The following TOM1L2 variants were observed in gnomAD, a reference collection of about 807,000 sequenced individuals.
The protein encoded by TOM1L2 is TOM1-like protein 2.
In TOM1L2, 31 loss-of-function variants were observed where a neutral mutation model predicts 67.9. The observed-to-expected ratio is 0.46, with a 90% confidence interval of 0.34 to 0.62. The LOEUF is 0.62. Among genes scored for constraint, TOM1L2 ranks in the 20% least tolerant of loss-of-function variants. The probability of loss-of-function intolerance (pLI) is 0.01; values close to 1 mark genes in which losing one functional copy is unlikely to be tolerated. For missense variants in TOM1L2, 606 were observed against 663.5 expected, an observed-to-expected ratio of 0.91 and a Z score of 0.95; for synonymous variants, 256 against 254.0, an observed-to-expected ratio of 1.01 and a Z score of -0.07.
chr17:17,897,965 G>A (rs975275712), intron 3 of TOM1L2, among the ~76,000 whole-genome samples: 6 of 130,544 alleles, frequency 4.6e-5, no homozygotes, highest in Non-Finnish European at 9.4e-5. Context: ...TCACTCTGTT[G>A]CCCAAGCTGG....
At chr17:17,948,524 C>A (rs192712592) in intron 1 of TOM1L2, among the ~76,000 whole-genome samples, 91 of 152,228 alleles carry the variant, frequency 6.0e-4, no homozygotes, top group African/African-American at 2.1e-3. Flanking sequence ...TGGTGGTGCA[C>A]GTCTGTAATC....
intron 12 of TOM1L2, among the ~76,000 whole-genome samples, chr17:17,856,074 C>A (rs923165501): frequency 6.6e-6 from 1 of 152,312 alleles, no homozygotes; most frequent in East Asian, 1.9e-4. Flanking sequence ...CTGGCAGTGG[C>A]GAGGCAGTCT....
intron 1 of TOM1L2, among the ~76,000 whole-genome samples, chr17:17,909,942 T>C (rs576771158): frequency 3.3e-5 from 5 of 152,266 alleles, no homozygotes; most frequent in South Asian, 2.1e-4. Context: ...GGCAGGAAGA[T>C]TGCTTAAGTC....
At chr17:17,972,018 G>A (rs1369691153) in intron 1 of TOM1L2, among the ~76,000 whole-genome samples, 2 of 150,564 alleles carry the variant, frequency 1.3e-5, no homozygotes, top group Admixed American at 1.3e-4. Flanking sequence ...CCGCCCGTGA[G>A]GTGGCACCGA....
At chr17:17,914,369 G>A (rs1431658467) in intron 1 of TOM1L2, among the ~76,000 whole-genome samples, 1 of 152,146 alleles carries the variant, frequency 6.6e-6, no homozygotes, top group Non-Finnish European at 1.5e-5. Context: ...CTAAACAGAT[G>A]TGCCTACCAC....
At chr17:17,875,255 C>CAAACAGAA (rs2037364540) in intron 7 of TOM1L2, among the ~76,000 whole-genome samples, 1 of 116,806 alleles carries the variant, frequency 8.6e-6, no homozygotes, top group Non-Finnish European at 1.9e-5. Context: ...GACTCCTTCT[C>CAAACAGAA]AAAAAGAAAA....
intron 7 of TOM1L2, 127 bp downstream of exon 7, chr17:17,879,500 T>C (rs2037601466): frequency 4.1e-6 from 3 of 728,316 alleles, no homozygotes; most frequent in Admixed American, 2.0e-5. Context: ...TGTGCTCACA[T>C]GGACTATCAA....
rs537394280 is a variant in TOM1L2, at chr17:17,887,250, C to T, written c.367-2482G>A. ...CACAATTCCAACCCTTATCTGGGAC[C>T]TCTGTGCAGACTGGATGAGATGGCT... is the stretch of plus-strand genomic sequence containing the variant. On this transcript the variant is annotated intron_variant, in intron 4 of 14. Transcript: ENST00000379504. Among the ~76,000 whole-genome samples, 30 of 152,350 alleles carry T rather than the reference C, an allele frequency of 2.0e-4. 1 individual carries two copies. The highest frequency in any genetic ancestry group is 1.5e-5 in the Non-Finnish European group (1 of 68,034).
At chr17:17,968,523 G>A (rs770102493) in intron 1 of TOM1L2, among the ~76,000 whole-genome samples, 38 of 152,222 alleles carry the variant, frequency 2.5e-4, no homozygotes, top group African/African-American at 7.2e-4. Flanking sequence ...AAATTAGCCC[G>A]GCACGGTGCC....
At chr17:17,915,559 G>A (rs1315339421) in intron 1 of TOM1L2, among the ~76,000 whole-genome samples, 2 of 151,924 alleles carry the variant, frequency 1.3e-5, no homozygotes, top group African/African-American at 4.8e-5. Flanking sequence ...CTAGAATGGA[G>A]TGCAGTGGCC....
chr17:17,854,283 C>T (rs374693901), intron 12 of TOM1L2, among the ~76,000 whole-genome samples: 2 of 152,114 alleles, frequency 1.3e-5, no homozygotes, highest in South Asian at 2.1e-4. Context: ...GCCGAGGACG[C>T]GCTCCTTGTC....
At chr17:17,867,305 C>A (rs1351666438) in intron 8 of TOM1L2, among the ~76,000 whole-genome samples, 2 of 152,158 alleles carry the variant, frequency 1.3e-5, no homozygotes, top group African/African-American at 4.8e-5. Flanking sequence ...AGCTAGTGTT[C>A]CTAACATGCT....
At chr17:17,958,812 A>C (rs1278989304) in intron 1 of TOM1L2, among the ~76,000 whole-genome samples, 1 of 152,170 alleles carries the variant, frequency 6.6e-6, no homozygotes, top group African/African-American at 2.4e-5. Flanking sequence ...ACCAAGGTAC[A>C]TTTCAGTGTT....
intron 7 of TOM1L2, 129 bp downstream of exon 7, chr17:17,879,498 C>T: frequency 2.8e-6 from 2 of 724,104 alleles, no homozygotes; most frequent in Non-Finnish European, 5.0e-6. Context: ...TGTGTGCTCA[C>T]ATGGACTATC....
At chr17:17,902,037 G>A (rs1429711259) in intron 2 of TOM1L2, among the ~76,000 whole-genome samples, 1 of 152,182 alleles carries the variant, frequency 6.6e-6, no homozygotes, top group South Asian at 2.1e-4. Context: ...TTAGCCGGGC[G>A]TGGTGGTACA....
At chr17:17,920,535 T>C (rs923275614) in intron 1 of TOM1L2, among the ~76,000 whole-genome samples, 3 of 152,058 alleles carry the variant, frequency 2.0e-5, no homozygotes, top group South Asian at 2.1e-4. Flanking sequence ...AGACGGGGTT[T>C]CACAATGTTG....
rs746357732 is a variant in TOM1L2 at position 17,898,621 on chromosome 17, T to C, written c.191A>G (p.Tyr64Cys). Residue 64 changes from tyrosine to cysteine, a missense_variant, in exon 3 of 15, where the codon TAC (tyrosine) becomes TGC (cysteine). Transcript: ENST00000379504. Reference sequence around the variant, plus strand: ...TGTTAATGCCAGCATCACCTCTCTGTAGTTCCGGTTCCCGTTGAGCCGCTT... The same window carrying C: ...TGTTAATGCCAGCATCACCTCTCTGCAGTTCCGGTTCCCGTTGAGCCGCTT... ...LKKRLNGNRN[Y>C]REVMLALTVL... 1.2e-6 allele frequency: 2 copies of C among 1,614,224 alleles called. No individual in the cohort carries two copies. Among genetic ancestry groups the C allele is most frequent in the South Asian group, 1.1e-5 (1 of 91,088 alleles).
At chr17:17,854,360 CTG>C (rs1475590130) in intron 12 of TOM1L2, among the ~76,000 whole-genome samples, 7 of 152,122 alleles carry the variant, frequency 4.6e-5, no homozygotes, top group Admixed American at 3.3e-4. Context: ...TTAGGGGACT[CTG>C]TTTCTTCCCT....
At chr17:17,892,596 C>T (rs1326113759) in intron 4 of TOM1L2, among the ~76,000 whole-genome samples, 2 of 152,112 alleles carry the variant, frequency 1.3e-5, no homozygotes, top group African/African-American at 2.4e-5. Flanking sequence ...CCTTCTGGTC[C>T]CATCTCCTGC....
Sources: gnomAD v4.1 joint callset for allele counts (sites outside exome capture counted in the v4.1 genomes callset) on GRCh38, gnomAD v4.1.1 for gene constraint, MANE v1.5 for transcripts, NCBI Gene and HGNC (gene_info 2026-07-23, HGNC 2026-07-21) for gene names.